ADAMTS2: variants seen among roughly 807,000 people sequenced by gnomAD.
The protein encoded by ADAMTS2 is A disintegrin and metalloproteinase with thrombospondin motifs 2.
Under a neutral mutation model 123.0 loss-of-function variants are expected in ADAMTS2, and 50 were observed. The observed-to-expected ratio is 0.41, with a 90% CI of 0.32 to 0.51. ADAMTS2 has a LOEUF of 0.51. Ranked by LOEUF, ADAMTS2 falls within the 20% of genes least tolerant of loss-of-function variation. ADAMTS2 has a pLI of 0.35. For missense variants in ADAMTS2, 1,494 were observed against 1,705.2 expected, an observed-to-expected ratio of 0.88 and a Z score of 2.18; for synonymous variants, 678 against 695.4, an observed-to-expected ratio of 0.98 and a Z score of 0.39.
rs1054586627 is a variant in ADAMTS2 at position 179,344,065 on chromosome 5, G to C, written c.236C>G (p.Thr79Arg). ...RLVSHVVSAA[T>R]SRAGVRARRA... ...GCGGGCTCGTACCCCTGCTCTGGAC[G>C]TAGCTGCCGACACCACGTGGGACAC... The change falls in exon 2 of 22, where the codon ACG becomes AGG. Residue 79 changes from threonine (T) to arginine (R), a missense_variant. Physicochemically the swap from Thr to Arg is moderately conservative, Grantham distance 71 (BLOSUM62 -1). This residue lies in a region of ADAMTS2 where 237 missense variants were observed against 233.7 expected (regional missense o/e 1.01). Coordinates refer to ENST00000251582, the MANE Select transcript of ADAMTS2 (RefSeq NM_014244.5). The C allele has an allele frequency of 1.2e-6, 2 of 1,611,578 alleles. No individual in the cohort carries two copies. Among genetic ancestry groups the C allele is most frequent in the Non-Finnish European group, 1.7e-6 (2 of 1,179,336 alleles).
intron 2 of ADAMTS2, among the ~76,000 whole-genome samples, chr5:179,335,816 G>C (rs559378785): frequency 6.6e-6 from 1 of 152,110 alleles, no homozygotes; most frequent in Non-Finnish European, 1.5e-5. Context: ...TCAAACAGCC[G>C]CGTGGGAGGG....
chr5:179,252,589 G>A (rs1765955516), intron 3 of ADAMTS2, among the ~76,000 whole-genome samples: 1 of 151,780 alleles, frequency 6.6e-6, no homozygotes, highest in African/African-American at 2.4e-5. Flanking sequence ...TTGCTTTGGG[G>A]GCTATTAATT....
rs1270371935 is a variant in ADAMTS2 at position 179,262,270 on chromosome 5, C to T, written c.688+10641G>A. On this transcript the variant is annotated intron_variant, in intron 3 of 21. Coordinates refer to ENST00000251582, the MANE Select transcript of ADAMTS2 (RefSeq NM_014244.5). This position sits in a 1 kb window ranked among gnomAD's most constrained non-coding sequence, Gnocchi z 5.9. ...AGGCCACCAGCCAGCCTCCCAGCCA[C>T]GTGACCTCTCAGGGGCAGGATGTGT... Among the ~76,000 whole-genome samples the T allele has an allele frequency of 1.3e-5, 2 of 152,144 alleles. No individual in the cohort carries two copies. Among genetic ancestry groups the T allele is most frequent in the African/African-American group, 2.4e-5 (1 of 41,418 alleles).
In ADAMTS2 at chr5:179,132,464, G is replaced by A. The variant is rs951884168; in HGVS notation, c.2210-154C>T. ...TCTGGCTTTGAGGACCCACCTGAGA[G>A]GGGCCACCAGGAAAGCTGCTGCCTC... On this transcript the variant is annotated intron_variant, in intron 14 of 21. Coordinates refer to ENST00000251582, the MANE Select transcript of ADAMTS2 (RefSeq NM_014244.5). This position sits in a 1 kb window ranked among gnomAD's most constrained non-coding sequence, Gnocchi z 6.1. Among the ~76,000 whole-genome samples the A allele has an allele frequency of 9.9e-5, 15 of 152,114 alleles. No individual in the cohort carries two copies. The highest frequency in any genetic ancestry group is 3.6e-4 in the African/African-American group (15 of 41,434).
In ADAMTS2 at chr5:179,125,834, G is replaced by A. The variant is rs528512484; in HGVS notation, c.2750+164C>T. Among the ~76,000 whole-genome samples, 8 of 152,376 alleles carry A rather than the reference G, an allele frequency of 5.3e-5. No individual in the cohort carries two copies. The East Asian group carries it at 9.7e-4, about 18-fold the overall frequency. On this transcript the variant is annotated intron_variant, in intron 18 of 21. Transcript: ENST00000251582. ...TTTGGCGGGTTTGAAGCTGGGGTGC[G>A]CCTTCTGCCCTGCAGCATCTTAGAT...
At position 179,256,478 on chromosome 5, in the gene ADAMTS2, G is replaced by A. The variant is rs931316; in HGVS notation, c.688+16433C>T. On this transcript the variant is annotated intron_variant, in intron 3 of 21. Coordinates refer to ENST00000251582, the MANE Select transcript of ADAMTS2 (RefSeq NM_014244.5). This position sits in a 1 kb window ranked among gnomAD's most constrained non-coding sequence, Gnocchi z 4.1. ...CTCCAGCATTTCCTACATGGATGAA[G>A]ATGTGGATGTGTCTGCTCTGACCAT... Among the ~76,000 whole-genome samples the A allele has an allele frequency of 2.2e-4, 34 of 152,296 alleles. No homozygotes were observed. Among genetic ancestry groups the A allele is most frequent in the African/African-American group, 7.5e-4 (31 of 41,556 alleles).
chr5:179,269,389 C>G (rs895005978), intron 3 of ADAMTS2, among the ~76,000 whole-genome samples: 1 of 133,862 alleles, frequency 7.5e-6, no homozygotes, highest in East Asian at 2.0e-4. Flanking sequence ...ACTTACAGTT[C>G]CACATGGCTG....
chr5:179,344,057 C>T lies in ADAMTS2; in HGVS notation c.244G>A (p.Ala82Thr). The change falls in exon 2 of 22, where the codon GCA (alanine) becomes ACA (threonine). Residue 82 changes from alanine (A) to threonine (T), a missense_variant. Ala to Thr is a moderately conservative substitution (Grantham distance 58). Transcript: ENST00000251582. ...GCGGCCCTGCGGGCTCGTACCCCTG[C>T]TCTGGACGTAGCTGCCGACACCACG... is the stretch of plus-strand genomic sequence containing the variant. ...SHVVSAATSR[A>T]GVRARRAAPV... The T allele has an allele frequency of 6.2e-7, 1 of 1,612,208 alleles. No individual in the cohort carries two copies.
rs1303774427 is a variant in ADAMTS2, at chr5:179,118,903, T to C, written c.3178+2758A>G. Among the ~76,000 whole-genome samples the C allele has an allele frequency of 6.6e-6, 1 of 152,196 alleles. No homozygotes were observed. Among genetic ancestry groups the C allele is most frequent in the East Asian group, 1.9e-4 (1 of 5,194 alleles). On this transcript the variant is annotated intron_variant, in intron 21 of 21. Coordinates refer to ENST00000251582, the MANE Select transcript of ADAMTS2 (RefSeq NM_014244.5). The surrounding 1 kb of genome is among the most constrained non-coding windows in gnomAD (Gnocchi z 4.5). The stretch of plus-strand genomic sequence containing the variant: ...TGCAGTGCAGCCCCAGCTATGTTTA[T>C]GCACCACCGAATCACCTTCCATTTC...
rs1178701176 is a variant in ADAMTS2, at chr5:179,314,491, G to A, written c.534+29276C>T. Reference sequence around the variant, plus strand: ...TTGAGACAAGAGTAGTAAATGCACCGTGCTGTACTCAGAGCCCAGGAAGCA... The same window carrying A: ...TTGAGACAAGAGTAGTAAATGCACCATGCTGTACTCAGAGCCCAGGAAGCA... On this transcript the variant is annotated intron_variant, in intron 2 of 21. Transcript: ENST00000251582. This position sits in a 1 kb window ranked among gnomAD's most constrained non-coding sequence, Gnocchi z 4.5. 2.0e-5 allele frequency among the ~76,000 whole-genome samples: 3 copies of A among 152,108 alleles called. No homozygotes were observed. The highest frequency in any genetic ancestry group is 2.1e-4 in the South Asian group (1 of 4,824).
chr5:179,286,685 G>A (rs765970010), intron 2 of ADAMTS2, among the ~76,000 whole-genome samples: 4 of 152,150 alleles, frequency 2.6e-5, no homozygotes, highest in Admixed American at 6.5e-5. Flanking sequence ...GGTCGGGGCC[G>A]GCGCCTTCCC....
chr5:179,205,983 T>C (rs1764681565), intron 4 of ADAMTS2, among the ~76,000 whole-genome samples: 1 of 151,962 alleles, frequency 6.6e-6, no homozygotes, highest in Non-Finnish European at 1.5e-5. Flanking sequence ...GTGGTCTCGA[T>C]CTCCTGACCT....
Position 179,175,929 on chromosome 5 carries a change from T to TC in ADAMTS2, c.975+5142dup, listed in dbSNP as rs1408699197. Among the ~76,000 whole-genome samples the TC allele has an allele frequency of 6.6e-6, 1 of 151,590 alleles. No individual in the cohort carries two copies. The highest frequency in any genetic ancestry group is 2.4e-5 in the African/African-American group (1 of 41,240). ...CAAGAAGCTTCCGTGGAGAAAGTTT[T>TC]CAGAGACCACCTGTACTGCTCGGAC... On this transcript the variant is annotated intron_variant, in intron 5 of 21. Transcript: ENST00000251582. This position sits in a 1 kb window ranked among gnomAD's most constrained non-coding sequence, Gnocchi z 4.1.
chr5:179,198,909 G>A (rs1374402033), intron 4 of ADAMTS2, among the ~76,000 whole-genome samples: 1 of 152,120 alleles, frequency 6.6e-6, no homozygotes, highest in Admixed American at 6.5e-5. Flanking sequence ...CCTGCCACAG[G>A]CTCAGCACAC....
chr5:179,207,287 A>G (rs771824444), intron 4 of ADAMTS2, among the ~76,000 whole-genome samples: 3 of 152,190 alleles, frequency 2.0e-5, no homozygotes, highest in Non-Finnish European at 4.4e-5. Context: ...AGCCTCACCA[A>G]GTTACCATCA....
At position 179,197,421 on chromosome 5, in the gene ADAMTS2, T is replaced by C. The variant is rs1045329055; in HGVS notation, c.891+10092A>G. ...ATATTTCTTGAAGTCTTGGCACAGA[T>C]AGATTTTACTTTTAAAAATGTATCT... On this transcript the variant is annotated intron_variant, in intron 4 of 21. Transcript: ENST00000251582. The surrounding 1 kb of genome is among the most constrained non-coding windows in gnomAD (Gnocchi z 4.2). 4.6e-5 allele frequency among the ~76,000 whole-genome samples: 7 copies of C among 152,216 alleles called. No homozygotes were observed. Among genetic ancestry groups the C allele is most frequent in the Non-Finnish European group, 1.0e-4 (7 of 68,038 alleles).
chr5:179,235,947 A>T (rs1765513583), intron 3 of ADAMTS2, among the ~76,000 whole-genome samples: 1 of 152,194 alleles, frequency 6.6e-6, no homozygotes, highest in Non-Finnish European at 1.5e-5. Context: ...ATGTCCACCT[A>T]GCCTGGTCCT....
Position 179,299,963 on chromosome 5 carries a change from A to G in ADAMTS2, c.535-26899T>C, listed in dbSNP as rs112326875. Among the ~76,000 whole-genome samples, 23 of 151,622 alleles carry G rather than the reference A, an allele frequency of 1.5e-4. No homozygotes were observed. In the South Asian group the frequency reaches 1.9e-3, roughly 12 times the overall value. ...CAAAAAATTAGCCAGGCGTGGTGGC[A>G]GGCGCCTGTAGTCCCAGCTACTCTG... On this transcript the variant is annotated intron_variant, in intron 2 of 21. Transcript: ENST00000251582.
At chr5:179,208,849 G>A (rs560092190) in intron 3 of ADAMTS2, among the ~76,000 whole-genome samples, 4 of 152,156 alleles carry the variant, frequency 2.6e-5, no homozygotes, top group Non-Finnish European at 5.9e-5. Context: ...AGAGACTCCT[G>A]GCCCGGGACA....
Sources: allele counts gnomAD v4.1 joint callset (sites outside exome capture counted in the v4.1 genomes callset), GRCh38; gene constraint gnomAD v4.1.1; regional missense constraint gnomAD v4.1.1; non-coding constraint Gnocchi (gnomAD v3.1); transcripts MANE v1.5; gene names NCBI Gene and HGNC (gene_info 2026-07-23, HGNC 2026-07-21).